MTERF3: variants seen among roughly 807,000 people sequenced by gnomAD.
MTERF3 encodes the protein mitochondrial transcription termination factor 3.
A neutral mutation model predicts 40.5 loss-of-function variants in MTERF3; 40 were observed. The observed-to-expected ratio is 0.99, with a 90% CI of 0.77 to 1.29. The LOEUF (loss-of-function observed/expected upper bound fraction) is 1.29. Among genes scored for constraint, MTERF3 ranks in the 50% most tolerant of loss-of-function variants. The pLI is 0.00. For missense variants in MTERF3, 452 were observed against 478.2 expected (o/e 0.95, Z 0.51); for synonymous variants, 158 against 166.6 (o/e 0.95, Z 0.40).
At chr8:96,249,163 C>G (rs763362537) in intron 4 of MTERF3, among the ~76,000 whole-genome samples, 1 of 152,170 alleles carries the variant, frequency 6.6e-6, no homozygotes, top group African/African-American at 2.4e-5. Flanking sequence ...AGTCAGAACC[C>G]TGGAGTTTGA....
chr8:96,243,888 C>T (rs750606160), intron 7 of MTERF3, 31 bp downstream of exon 7: 34 of 1,605,030 alleles, frequency 2.1e-5, no homozygotes, highest in East Asian at 6.7e-5. Context: ...GCAATGGCAG[C>T]GCTTACAGAG....
At chr8:96,250,653 GAAGAAGAAGAAGAAGAAGAAGA>G (rs1563548845) in intron 4 of MTERF3, among the ~76,000 whole-genome samples, 17 of 26,646 alleles carry the variant, frequency 6.4e-4, no homozygotes, top group African/African-American at 2.4e-3. Flanking sequence ...AGAAGAAGAA[GAAGAAGAAGAAGAAGAAGAAGA>G]AGAAGAAGGA....
Position 96,251,076 on chromosome 8 carries a change from T to C in MTERF3, c.507A>G (p.Ile169Met). ...LVLLGVDLSK[I>M]EKHPEAANLL... ...GGTTTGCTGCTTCTGGATGTTTTTCTATCTTGGACAAATCCACGCCTATAA... is the reference window on the plus strand; with the variant it reads ...GGTTTGCTGCTTCTGGATGTTTTTCCATCTTGGACAAATCCACGCCTATAA... The change falls in exon 4 of 8, where the codon ATA becomes ATG. Residue 169 changes from isoleucine (I) to methionine (M), a missense_variant. Ile to Met is a conservative substitution (Grantham distance 10). Coordinates refer to ENST00000287025, the MANE Select transcript of MTERF3 (RefSeq NM_015942.5). 2 of 1,582,662 alleles carry C rather than the reference T, an allele frequency of 1.3e-6. No individual in the cohort carries two copies. Among genetic ancestry groups the C allele is most frequent in the Non-Finnish European group, 1.7e-6 (2 of 1,172,512 alleles).
In MTERF3 at chr8:96,243,201, TG is replaced by T. The variant is rs531627284; in HGVS notation, c.1059+717del. Among the ~76,000 whole-genome samples the T allele has an allele frequency of 5.9e-5, 9 of 152,306 alleles. No individual in the cohort carries two copies. In the East Asian group the frequency reaches 1.2e-3, roughly 20 times the overall value. On this transcript the variant is annotated intron_variant, in intron 7 of 7. Coordinates refer to ENST00000287025, the MANE Select transcript of MTERF3 (RefSeq NM_015942.5). The stretch of plus-strand genomic sequence containing the variant: ...AAACAGGAACATGTGTTCTAGCAAA[TG>T]GAGTAGAGGGATCACTTAAATAAAA...
At chr8:96,253,015 G>A (rs896764941) in intron 3 of MTERF3, among the ~76,000 whole-genome samples, 4 of 152,254 alleles carry the variant, frequency 2.6e-5, no homozygotes, top group Non-Finnish European at 5.9e-5. Flanking sequence ...TATAAAAAAA[G>A]AATAATACAC....
Position 96,261,574 on chromosome 8 carries a change from G to A in MTERF3, c.-84C>T, listed in dbSNP as rs115261447. On this transcript the variant is annotated 5_prime_UTR_variant, in exon 1 of 8. Coordinates refer to ENST00000287025, the MANE Select transcript of MTERF3 (RefSeq NM_015942.5). ...CTCGCTGGGCCGCACGTCCCGTCCC[G>A]CCGCGCCGCACGCCGGCTCCTCAGC... is the stretch of plus-strand genomic sequence containing the variant. 0.045 allele frequency: 7,040 copies of A among 154,776 alleles called. 547 individuals carry two copies. Among genetic ancestry groups the A allele is most frequent in the African/African-American group, 0.16 (6,670 of 41,556 alleles). 9.6% of individuals were successfully genotyped at this position (154,776 alleles called of 1,614,324 possible). A position where few individuals can be genotyped will look rare whatever the true frequency, so the allele number is the denominator to read the frequency against.
intron 4 of MTERF3, 75 bp from the exon 5 acceptor site, chr8:96,246,529 T>A: frequency 2.3e-6 from 3 of 1,318,840 alleles, no homozygotes; most frequent in Non-Finnish European, 3.0e-6. Flanking sequence ...CTCATGCTAC[T>A]TCCCAAAGTA....
chr8:96,251,706 A>G (rs1810188624), intron 3 of MTERF3, among the ~76,000 whole-genome samples: 1 of 152,198 alleles, frequency 6.6e-6, no homozygotes. Flanking sequence ...AAAGTATACA[A>G]CCTTAAACCT....
intron 7 of MTERF3, among the ~76,000 whole-genome samples, chr8:96,243,640 G>T (rs1439801013): frequency 2.0e-5 from 3 of 152,178 alleles, no homozygotes; most frequent in Non-Finnish European, 4.4e-5. Flanking sequence ...GCAGTGAAAG[G>T]ACCTTTAAGG....
Position 96,250,894 on chromosome 8 carries a change from T to C in MTERF3, c.677+12A>G, listed in dbSNP as rs758897536. On this transcript the variant is annotated intron_variant, in intron 4 of 7. Transcript: ENST00000287025. Reference sequence around the variant, plus strand: ...TTCTTAGGTTATATGAGAATCCTTTTAAAAGTCCTACCTGGTCTTCAGATT... The same window carrying C: ...TTCTTAGGTTATATGAGAATCCTTTCAAAAGTCCTACCTGGTCTTCAGATT... 8.8e-6 allele frequency: 14 copies of C among 1,592,154 alleles called. No homozygotes were observed. Among genetic ancestry groups the C allele is most frequent in the South Asian group, 1.2e-5 (1 of 86,228 alleles).
chr8:96,246,476 C>A (rs200596481), intron 4 of MTERF3, 22 bp from the exon 5 acceptor site: 15 of 1,576,288 alleles, frequency 9.5e-6, no homozygotes, highest in African/African-American at 1.4e-5. Context: ...TAAATACATA[C>A]GCATGTGATA....
chr8:96,261,279 A>AG lies in MTERF3; in HGVS notation c.-11+221dup, dbSNP rs570771475. ...TCCCCAAACTTGCGCAGGAAGGCAGAGCCCCCTCCTGAGGCTTCTCACACT... is the reference window on the plus strand; with the variant it reads ...TCCCCAAACTTGCGCAGGAAGGCAGAGGCCCCCTCCTGAGGCTTCTCACACT... On this transcript the variant is annotated intron_variant, in intron 1 of 7. Transcript: ENST00000287025. 2.6e-5 allele frequency among the ~76,000 whole-genome samples: 4 copies of AG among 152,348 alleles called. No homozygotes were observed. In the South Asian group the frequency reaches 8.3e-4, roughly 32 times the overall value.
chr8:96,243,898 G>A (rs959629668), intron 7 of MTERF3, 21 bp downstream of exon 7: 1 of 1,611,116 alleles, frequency 6.2e-7, no homozygotes, highest in Admixed American at 1.7e-5. Flanking sequence ...CGCTTACAGA[G>A]AGAGCTGTGA....
intron 4 of MTERF3, among the ~76,000 whole-genome samples, chr8:96,250,580 C>CACCTGTAG (rs1810125402): frequency 7.5e-6 from 1 of 132,674 alleles, no homozygotes; most frequent in Admixed American, 8.3e-5. Context: ...GCATGGTGGC[C>CACCTGTAG]ACCTGTAGTC....
intron 3 of MTERF3, among the ~76,000 whole-genome samples, chr8:96,256,313 AGT>A (rs1810278412): frequency 6.6e-6 from 1 of 152,174 alleles, no homozygotes; most frequent in Admixed American, 6.5e-5. Flanking sequence ...AGGTCGGGGT[AGT>A]GTGACAAGCA....
Position 96,258,618 on chromosome 8 carries a change from G to A in MTERF3, c.73C>T (p.Gln25Ter). 6.2e-7 allele frequency: 1 copy of A among 1,614,146 alleles called. No homozygotes were observed. Among genetic ancestry groups the A allele is most frequent in the Non-Finnish European group, 8.5e-7 (1 of 1,179,998 alleles). Residue 25 changes from glutamine (Q) to a stop codon, truncating the protein, a stop_gained, in exon 2 of 8, where the codon CAA becomes TAA. Transcript: ENST00000287025. LOFTEE classifies it high-confidence loss of function. ...VKLRSLINAA[Q>*]LTKRFTRPAR... ...GGTCTAGTAAAACGTTTTGTGAGTT[G>A]TGCAGCATTAATGAGGCTCCTCAAC...
chr8:96,243,490 A>G (rs1053264060), intron 7 of MTERF3, among the ~76,000 whole-genome samples: 5 of 152,208 alleles, frequency 3.3e-5, no homozygotes, highest in Non-Finnish European at 7.3e-5. Context: ...AAGAATATGG[A>G]AGCTTGATTA....
rs758529559 is a variant in MTERF3 at position 96,257,001 on chromosome 8, C to T, written c.448G>A (p.Val150Met). 5.6e-6 allele frequency: 9 copies of T among 1,613,700 alleles called. No individual in the cohort carries two copies. The highest frequency in any genetic ancestry group is 1.1e-5 in the South Asian group (1 of 91,032). The stretch of plus-strand genomic sequence containing the variant: ...TTCTGCAGAGTCTCAGAATGATCCA[C>T]ATAGTCTCGAAGTGTGAATGAAGCT... Reference protein sequence around the residue: ...PPASFTLRDYVDHSETLQKLV... With the variant: ...PPASFTLRDYMDHSETLQKLV... Residue 150 changes from valine to methionine, a missense_variant, in exon 3 of 8, where the codon GTG becomes ATG. Physicochemically the swap from Val to Met is conservative, Grantham distance 21 (BLOSUM62 1). Coordinates refer to ENST00000287025, the MANE Select transcript of MTERF3 (RefSeq NM_015942.5).
chr8:96,247,691 T>A (rs891642434), intron 4 of MTERF3, among the ~76,000 whole-genome samples: 1 of 152,124 alleles, frequency 6.6e-6, no homozygotes, highest in African/African-American at 2.4e-5. Flanking sequence ...ATCACATGAC[T>A]ATTACTCCTT....
Sources: allele counts gnomAD v4.1 joint callset (sites outside exome capture counted in the v4.1 genomes callset), GRCh38; gene constraint gnomAD v4.1.1; transcripts MANE v1.5; gene names NCBI Gene and HGNC (gene_info 2026-07-23, HGNC 2026-07-21).